Variants in FAT1 observed in about 807,000 individuals in gnomAD.
FAT1 encodes the protein FAT atypical cadherin 1.
In FAT1, 171 loss-of-function variants were observed where a neutral mutation model predicts 329.8. That is an observed-to-expected ratio of 0.52 (90% CI 0.46 to 0.59). The LOEUF (loss-of-function observed/expected upper bound fraction) is 0.59, where lower values mean the gene tolerates loss of function less well. FAT1 is among the 20% of genes least tolerant of loss of function. The pLI is 0.00. For synonymous variants in FAT1, 2,233 were observed against 2,228.6 expected (o/e 1.00, Z -0.06); for missense variants, 5,672 against 5,774.4 (o/e 0.98, Z 0.57).
chr4:186,602,807 T>G (rs2289549), intron 20 of FAT1, 96 bp downstream of exon 20: 2 of 1,293,296 alleles, frequency 1.5e-6, no homozygotes, highest in African/African-American at 3.0e-5. Flanking sequence ...TAAACATACT[T>G]TGCAATATTT....
At chr4:186,694,164 T>C (rs1206831747) in intron 2 of FAT1, among the ~76,000 whole-genome samples, 1 of 152,082 alleles carries the variant, frequency 6.6e-6, no homozygotes. Context: ...AACCACCATC[T>C]TCCTATTTCT....
chr4:186,613,031 A>T lies in FAT1; in HGVS notation c.9463+78T>A. The T allele has an allele frequency of 3.3e-6, 3 of 922,600 alleles. No individual in the cohort carries two copies. The South Asian group carries it at 4.3e-5, about 13-fold the overall frequency. 57.2% of individuals were successfully genotyped at this position (922,600 alleles called of 1,614,324 possible). ...GAGGTGGAGTGAGTGGCACAGGCTGAATCTGGGGTGTGTTTTGAAACAGAG... is the reference window on the plus strand; with the variant it reads ...GAGGTGGAGTGAGTGGCACAGGCTGTATCTGGGGTGTGTTTTGAAACAGAG... On this transcript the variant is annotated intron_variant, in intron 13 of 26. Coordinates refer to ENST00000441802, the MANE Select transcript of FAT1 (RefSeq NM_005245.4).
In FAT1 at chr4:186,606,318, A is replaced by G. The variant is rs2584344; in HGVS notation, c.10207-105T>C. The G allele has an allele frequency of 0.6, 728,562 of 1,220,046 alleles. 218,581 individuals are homozygous for G. Among genetic ancestry groups the G allele is most frequent in the African/African-American group, 0.81 (53,990 of 66,622 alleles). 75.6% of individuals were successfully genotyped at this position (1,220,046 alleles called of 1,614,324 possible). A position where few individuals can be genotyped will look rare whatever the true frequency, so the allele number is the denominator to read the frequency against. ...CCTGACGGGCAGGTCCCAGTGAGCT[A>G]CCACTATCTGTTGCATCCTGCCTGT... is the stretch of plus-strand genomic sequence containing the variant. On this transcript the variant is annotated intron_variant, in intron 16 of 26. Transcript: ENST00000441802.
chr4:186,617,278 A>C (rs1290385866), intron 10 of FAT1, 77 bp from the exon 11 acceptor site: 1 of 999,730 alleles, frequency 1.0e-6, no homozygotes, highest in African/African-American at 1.6e-5. Flanking sequence ...AATAAACTGT[A>C]CAAAAGATGT....
intron 3 of FAT1, among the ~76,000 whole-genome samples, chr4:186,662,110 T>C (rs1742204126): frequency 6.6e-6 from 1 of 151,634 alleles, no homozygotes. Flanking sequence ...AACATCTCTT[T>C]GAGGGTTTTT....
At chr4:186,697,428 G>C (rs1382089668) in intron 2 of FAT1, among the ~76,000 whole-genome samples, 3 of 152,208 alleles carry the variant, frequency 2.0e-5, no homozygotes, top group Admixed American at 6.5e-5. Context: ...TGCTCTCCGA[G>C]GGATGATGCA....
Position 186,684,657 on chromosome 4 carries a change from G to A in FAT1, c.3266-21044C>T, listed in dbSNP as rs550412307. ...ATGACTGGATGTTAATCACTAACTT[G>A]GGGGATAAGAGGGAAAAAAAAAAAA... On this transcript the variant is annotated intron_variant, in intron 2 of 26. Transcript: ENST00000441802. 1.6e-4 allele frequency among the ~76,000 whole-genome samples: 12 copies of A among 76,196 alleles called. No individual in the cohort carries two copies. The South Asian group carries it at 5.9e-3, about 38-fold the overall frequency. The allele number at this position is 76,196 out of a possible 152,430, so 50.0% of individuals were successfully genotyped here. A position where few individuals can be genotyped will look rare whatever the true frequency, so the allele number is the denominator to read the frequency against.
chr4:186,614,166 A>G, intron 12 of FAT1, 25 bp downstream of exon 12: 15 of 1,573,120 alleles, frequency 9.5e-6, no homozygotes, highest in Non-Finnish European at 1.3e-5. Flanking sequence ...TATACAATTT[A>G]TTTTGTCCCA....
At chr4:186,614,889 C>T (rs1383955698) in intron 11 of FAT1, among the ~76,000 whole-genome samples, 3 of 152,134 alleles carry the variant, frequency 2.0e-5, no homozygotes, top group African/African-American at 4.8e-5. Flanking sequence ...TACTGCCCTG[C>T]GTGATCCTGG....
intron 2 of FAT1, among the ~76,000 whole-genome samples, chr4:186,668,443 C>G (rs1027985776): frequency 2.6e-5 from 4 of 152,152 alleles, no homozygotes; most frequent in African/African-American, 9.7e-5. Context: ...AGTGCAACTC[C>G]CTTGTTCTTA....
chr4:186,617,246 G>A, intron 10 of FAT1, 45 bp from the exon 11 acceptor site: 2 of 1,346,586 alleles, frequency 1.5e-6, no homozygotes, highest in Non-Finnish European at 2.0e-6. Flanking sequence ...TTGTTGAAAG[G>A]ATAAAAATAA....
intron 1 of FAT1, among the ~76,000 whole-genome samples, chr4:186,713,526 T>TCC (rs35730177): frequency 6.6e-6 from 1 of 152,214 alleles, no homozygotes; most frequent in South Asian, 2.1e-4. Flanking sequence ...CTTTCACCCC[T>TCC]CCCTGTACTG....
chr4:186,686,617 T>C (rs1019556876), intron 2 of FAT1, among the ~76,000 whole-genome samples: 1 of 152,234 alleles, frequency 6.6e-6, no homozygotes, highest in Non-Finnish European at 1.5e-5. Context: ...TTTAAGCTGT[T>C]CTTTTCCCAA....
At chr4:186,686,242 C>CCA (rs376510546) in intron 2 of FAT1, among the ~76,000 whole-genome samples, 1 of 146,940 alleles carries the variant, frequency 6.8e-6, no homozygotes, top group Non-Finnish European at 1.5e-5. Flanking sequence ...ATTTTCACCC[C>CCA]CCCCCGACAT....
In FAT1 at chr4:186,668,404, T is replaced by C. The variant is rs180963793; in HGVS notation, c.3266-4791A>G. On this transcript the variant is annotated intron_variant, in intron 2 of 26. Transcript: ENST00000441802. ...GCCTTCGCCATCTCAAAATCAAGCA[T>C]TAGACTGGGAACGCCTTCAAAACCC... 1.5e-3 allele frequency among the ~76,000 whole-genome samples: 226 copies of C among 152,252 alleles called. 1 individual carries two copies. Among genetic ancestry groups the C allele is most frequent in the African/African-American group, 5.1e-3 (213 of 41,552 alleles).
intron 2 of FAT1, among the ~76,000 whole-genome samples, chr4:186,697,446 C>T (rs1484913375): frequency 1.3e-5 from 2 of 152,198 alleles, no homozygotes; most frequent in African/African-American, 4.8e-5. Flanking sequence ...GCACACTGTT[C>T]ATTATATCTG....
intron 1 of FAT1, among the ~76,000 whole-genome samples, chr4:186,721,584 T>C (rs1380454600): frequency 6.6e-6 from 1 of 152,260 alleles, no homozygotes; most frequent in East Asian, 1.9e-4. Flanking sequence ...GGCTACAAAT[T>C]ATGCCACTGA....
upstream of FAT1, among the ~76,000 whole-genome samples, chr4:186,725,673 T>A (rs1225151238): frequency 3.3e-5 from 5 of 152,100 alleles, no homozygotes; most frequent in Non-Finnish European, 4.4e-5. This position sits in a 1 kb window ranked among gnomAD's most constrained non-coding sequence, Gnocchi z 5.4. Context: ...GCCTATTAGC[T>A]ACCACAAATC....
At chr4:186,703,352 A>G (rs567989233) in intron 2 of FAT1, among the ~76,000 whole-genome samples, 1 of 152,250 alleles carries the variant, frequency 6.6e-6, no homozygotes, top group African/African-American at 2.4e-5. Flanking sequence ...GTTTCAGAGG[A>G]TGTTTCCAAT....
Sources: gnomAD v4.1 joint callset for allele counts (sites outside exome capture counted in the v4.1 genomes callset) on GRCh38, gnomAD v4.1.1 for gene constraint, Gnocchi (gnomAD v3.1) non-coding constraint, MANE v1.5 for transcripts, NCBI Gene and HGNC (gene_info 2026-07-23, HGNC 2026-07-21) for gene names.